The following MGAT4C variants were observed in gnomAD, a reference collection of about 807,000 sequenced individuals.
The protein encoded by MGAT4C is alpha-1,3-mannosyl-glycoprotein 4-beta-N-acetylglucosaminyltransferase C.
In MGAT4C, 19 loss-of-function variants were observed where a neutral mutation model predicts 40.1. That is an observed-to-expected ratio of 0.47 (90% confidence interval 0.33 to 0.70). MGAT4C has a LOEUF of 0.70. Among genes scored for constraint, MGAT4C ranks in the 30% least tolerant of loss-of-function variants. The pLI is 0.02. For synonymous variants in MGAT4C, 181 were observed against 187.1 expected (o/e 0.97, Z 0.27); for missense variants, 491 against 563.2 (o/e 0.87, Z 1.30).
At chr12:86,451,276 G>A (rs1336690913) in intron 2 of MGAT4C, among the ~76,000 whole-genome samples, 1 of 152,082 alleles carries the variant, frequency 6.6e-6, no homozygotes, top group Non-Finnish European at 1.5e-5. Context: ...TAATATACAA[G>A]CTCCTGCTTC....
At chr12:86,710,644 T>C (rs1322582078) in intron 2 of MGAT4C, among the ~76,000 whole-genome samples, 1 of 152,064 alleles carries the variant, frequency 6.6e-6, no homozygotes, top group Non-Finnish European at 1.5e-5. Context: ...CTTAAAGAAC[T>C]AAAAGTAGAA....
intron 1 of MGAT4C, among the ~76,000 whole-genome samples, chr12:86,056,796 G>A (rs1258293107): frequency 3.3e-5 from 5 of 152,048 alleles, no homozygotes; most frequent in Non-Finnish European, 7.4e-5. Flanking sequence ...CTAGATCCTT[G>A]AGGAATCACC....
At chr12:86,834,076 A>AC (rs1952986405) in intron 1 of MGAT4C, among the ~76,000 whole-genome samples, 1 of 151,776 alleles carries the variant, frequency 6.6e-6, no homozygotes. Flanking sequence ...CATTCATTCA[A>AC]CGATGGATAC....
intron 2 of MGAT4C, among the ~76,000 whole-genome samples, chr12:86,593,233 C>T (rs188946198): frequency 6.7e-6 from 1 of 149,730 alleles, no homozygotes; most frequent in East Asian, 2.0e-4. Flanking sequence ...AGCAATGTCC[C>T]TTCTTTTATT....
intron 2 of MGAT4C, among the ~76,000 whole-genome samples, chr12:86,703,218 T>C (rs1000042741): frequency 6.6e-6 from 1 of 152,158 alleles, no homozygotes; most frequent in Non-Finnish European, 1.5e-5. Context: ...CTGGTAAAGA[T>C]GCTATGAACA....
chr12:86,262,108 C>T (rs146392984), intron 4 of MGAT4C, among the ~76,000 whole-genome samples: 4 of 152,222 alleles, frequency 2.6e-5, no homozygotes, highest in African/African-American at 9.6e-5. Context: ...TCTAGCCTTA[C>T]CTTCCACTAG....
At position 86,003,813 on chromosome 12, in the gene MGAT4C, AT is replaced by A. The variant is rs144148191; in HGVS notation, c.-6-14262del. Among the ~76,000 whole-genome samples the A allele has an allele frequency of 7.3e-5, 11 of 151,490 alleles. No homozygotes were observed. In the South Asian group the frequency reaches 8.3e-4, roughly 11 times the overall value. ...CAATGCTTTATTAATGCAAAACTAG[AT>A]TTTTTTTTCTGTGGAAAATGCCAGT... On this transcript the variant is annotated intron_variant, in intron 2 of 4. Coordinates refer to ENST00000611864, the MANE Select transcript of MGAT4C (RefSeq NM_001351288.2).
chr12:86,554,991 A>G (rs1215063839), intron 2 of MGAT4C, among the ~76,000 whole-genome samples: 2 of 152,080 alleles, frequency 1.3e-5, no homozygotes, highest in Non-Finnish European at 2.9e-5. Context: ...AGCCAGCAGC[A>G]TAACAACTTT....
chr12:86,078,462 A>G (rs994712021), intron 1 of MGAT4C, among the ~76,000 whole-genome samples: 2 of 152,252 alleles, frequency 1.3e-5, no homozygotes, highest in East Asian at 1.9e-4. Context: ...GAAGCACTGC[A>G]TGCAGGATAG....
chr12:85,991,644 T>C (rs1477749074), intron 2 of MGAT4C, among the ~76,000 whole-genome samples: 1 of 152,140 alleles, frequency 6.6e-6, no homozygotes, highest in Non-Finnish European at 1.5e-5. Context: ...AGCTGGCATG[T>C]CAGCACTGCC....
Position 85,989,566 on chromosome 12 carries a change from A to T in MGAT4C, c.-6-14T>A, listed in dbSNP as rs752371724. 3 of 1,573,046 alleles carry T rather than the reference A, an allele frequency of 1.9e-6. No homozygotes were observed. In the African/African-American group the frequency reaches 4.1e-5, roughly 21 times the overall value. ...AAACATTCTCTTCTGTGGAAAAGAG[A>T]CACAGAATTACTAGCAGTTGGTTTT... On this transcript the variant is annotated splice_polypyrimidine_tract_variant and intron_variant, in intron 2 of 4. Coordinates refer to ENST00000611864, the MANE Select transcript of MGAT4C (RefSeq NM_001351288.2).
chr12:85,988,049 T>C (rs1363352056), intron 3 of MGAT4C, among the ~76,000 whole-genome samples: 1 of 152,226 alleles, frequency 6.6e-6, no homozygotes, highest in Non-Finnish European at 1.5e-5. Context: ...ATATAACTAA[T>C]AGGTTTTAAA....
intron 1 of MGAT4C, among the ~76,000 whole-genome samples, chr12:86,156,687 C>T (rs1223092393): frequency 1.3e-5 from 2 of 152,100 alleles, no homozygotes; most frequent in African/African-American, 4.8e-5. Flanking sequence ...GTATAAGGAA[C>T]ATAAATATCA....
At chr12:86,501,430 C>A (rs1393785000) in intron 2 of MGAT4C, among the ~76,000 whole-genome samples, 2 of 151,988 alleles carry the variant, frequency 1.3e-5, no homozygotes, top group Non-Finnish European at 2.9e-5. Flanking sequence ...TACCTATCAA[C>A]CTATCACCTA....
chr12:86,051,914 T>A (rs1892936130), intron 1 of MGAT4C, among the ~76,000 whole-genome samples: 2 of 151,666 alleles, frequency 1.3e-5, no homozygotes. Context: ...ATATTTTGAG[T>A]CAAGTTGCAA....
chr12:86,778,955 C>T lies in MGAT4C; in HGVS notation c.-261-51714G>A, dbSNP rs1018035008. On this transcript the variant is annotated intron_variant, in intron 1 of 7. Transcript: ENST00000548651. ...ATATAATGAGAGCCATTTTATTGTGCCTGGTATTTTAAATTATATAATATA... is the reference window on the plus strand; with the variant it reads ...ATATAATGAGAGCCATTTTATTGTGTCTGGTATTTTAAATTATATAATATA... Among the ~76,000 whole-genome samples the T allele has an allele frequency of 2.0e-5, 3 of 150,136 alleles. No homozygotes were observed. The East Asian group carries it at 5.8e-4, about 29-fold the overall frequency.
intron 3 of MGAT4C, among the ~76,000 whole-genome samples, chr12:86,342,056 G>T (rs1311593788): frequency 6.6e-6 from 1 of 151,868 alleles, no homozygotes. Context: ...CCTTCTCTCT[G>T]GGGGGGACCT....
intron 1 of MGAT4C, among the ~76,000 whole-genome samples, chr12:86,101,221 G>C (rs1318961993): frequency 6.6e-6 from 1 of 151,722 alleles, no homozygotes; most frequent in Non-Finnish European, 1.5e-5. Flanking sequence ...TAAGATAAGG[G>C]ATAAGACTGA....
chr12:86,807,022 A>AT (rs1566003411), intron 1 of MGAT4C, among the ~76,000 whole-genome samples: 18 of 146,488 alleles, frequency 1.2e-4, no homozygotes, highest in South Asian at 4.3e-4. Context: ...TATATATATA[A>AT]ATAAAAAATA....
Sources: allele counts gnomAD v4.1 joint callset (sites outside exome capture counted in the v4.1 genomes callset), GRCh38; gene constraint gnomAD v4.1.1; transcripts MANE v1.5; gene names NCBI Gene and HGNC (gene_info 2026-07-23, HGNC 2026-07-21).